Variants in STK33 observed in about 807,000 individuals in gnomAD.
The protein encoded by STK33 is serine/threonine-protein kinase 33.
Under a neutral mutation model 58.0 loss-of-function variants are expected in STK33, and 52 were observed. That is an observed-to-expected ratio of 0.90 (90% CI 0.72 to 1.13). The LOEUF (loss-of-function observed/expected upper bound fraction) is 1.13, where lower values mean the gene tolerates loss of function less well. Ranked by LOEUF, STK33 falls within the 50% of genes most tolerant of loss-of-function variation. The pLI, the probability that STK33 is intolerant of heterozygous loss-of-function variation, is 0.00. For synonymous variants in STK33, 215 were observed against 200.1 expected, an observed-to-expected ratio of 1.07 and a Z score of -0.63; for missense variants, 630 against 604.2, an observed-to-expected ratio of 1.04 and a Z score of -0.45.
intron 4 of STK33, 82 bp from the exon 5 acceptor site, chr11:8,475,148 G>C: frequency 2.5e-6 from 1 of 398,946 alleles, no homozygotes; most frequent in Non-Finnish European, 4.4e-6. Context: ...CTAGCAACTA[G>C]CACTAGAAGC....
intron 1 of STK33, among the ~76,000 whole-genome samples, chr11:8,489,882 T>C (rs1950474409): frequency 6.6e-6 from 1 of 152,048 alleles, no homozygotes; most frequent in Non-Finnish European, 1.5e-5. Flanking sequence ...AACCTGAAGA[T>C]TGATTGAGAT....
At chr11:8,488,517 G>C (rs150563429) in intron 1 of STK33, among the ~76,000 whole-genome samples, 3 of 152,234 alleles carry the variant, frequency 2.0e-5, no homozygotes, top group Admixed American at 2.0e-4. Context: ...AGTGTTGCAA[G>C]TGTAGCCCAA....
chr11:8,511,542 C>T (rs948218674), intron 1 of STK33, among the ~76,000 whole-genome samples: 1 of 152,118 alleles, frequency 6.6e-6, no homozygotes, highest in African/African-American at 2.4e-5. Flanking sequence ...AAGTGGGCAT[C>T]CTTGTCTTGT....
At chr11:8,433,586 A>T (rs901292506) in intron 14 of STK33, among the ~76,000 whole-genome samples, 1 of 152,138 alleles carries the variant, frequency 6.6e-6, no homozygotes, top group African/African-American at 2.4e-5. Flanking sequence ...TTGCAAACTG[A>T]TCCTATCTAA....
the STK33 span, among the ~76,000 whole-genome samples, chr11:8,348,005 G>A: frequency 2.6e-5 from 4 of 152,156 alleles, no homozygotes; most frequent in African/African-American, 9.7e-5. Flanking sequence ...TCTTGTTCCC[G>A]GTCTAGTCCC....
intron 1 of STK33, among the ~76,000 whole-genome samples, chr11:8,535,584 T>G: frequency 6.6e-6 from 1 of 152,014 alleles, no homozygotes; most frequent in Non-Finnish European, 1.5e-5. Context: ...TAAAAAATAA[T>G]AGATGTTGGC....
the STK33 span, among the ~76,000 whole-genome samples, chr11:8,374,907 G>A: frequency 1.3e-5 from 2 of 152,134 alleles, no homozygotes; most frequent in South Asian, 2.1e-4. Context: ...CTGGTCTGGC[G>A]GCCGCCTCAT....
intron 1 of STK33, among the ~76,000 whole-genome samples, chr11:8,501,251 A>AT (rs1951494092): frequency 6.6e-6 from 1 of 152,180 alleles, no homozygotes; most frequent in South Asian, 2.1e-4. Flanking sequence ...AAAGTGAAAA[A>AT]TAACCCACAG....
At chr11:8,550,699 A>G (rs1956243837) in intron 1 of STK33, among the ~76,000 whole-genome samples, 1 of 152,194 alleles carries the variant, frequency 6.6e-6, no homozygotes, top group South Asian at 2.1e-4. Flanking sequence ...GTTCCCAACA[A>G]GTTCCTCATT....
chr11:8,571,642 G>A (rs972957436), intron 1 of STK33, among the ~76,000 whole-genome samples: 2 of 152,000 alleles, frequency 1.3e-5, no homozygotes, highest in African/African-American at 2.4e-5. Context: ...GACCATCCTG[G>A]CTAACACGGT....
chr11:8,515,336 A>G (rs1339222048), intron 1 of STK33, among the ~76,000 whole-genome samples: 1 of 152,202 alleles, frequency 6.6e-6, no homozygotes, highest in East Asian at 1.9e-4. Context: ...ATTCTTAGAA[A>G]CATAGAACCT....
chr11:8,524,353 A>T (rs1953842610), intron 1 of STK33, among the ~76,000 whole-genome samples: 1 of 152,216 alleles, frequency 6.6e-6, no homozygotes, highest in Admixed American at 6.5e-5. Flanking sequence ...AACGGGAAAA[A>T]ATATTTGCAG....
chr11:8,558,301 A>C (rs371795713), intron 1 of STK33, among the ~76,000 whole-genome samples: 73 of 152,310 alleles, frequency 4.8e-4, no homozygotes, highest in East Asian at 4.2e-3. Context: ...AAATACCTAC[A>C]TTCCTAAAAA....
chr11:8,495,404 T>A (rs1392087416), intron 1 of STK33, among the ~76,000 whole-genome samples: 1 of 152,100 alleles, frequency 6.6e-6, no homozygotes, highest in East Asian at 1.9e-4. Context: ...TGAGATACCA[T>A]CTCATGCCAG....
intron 11 of STK33, among the ~76,000 whole-genome samples, chr11:8,447,604 T>C (rs1200100126): frequency 1.3e-5 from 2 of 152,152 alleles, no homozygotes; most frequent in Non-Finnish European, 2.9e-5. Context: ...TGCTAAAAAC[T>C]CTCAATAAAT....
chr11:8,410,642 T>A (rs1196760301), intron 15 of STK33, among the ~76,000 whole-genome samples: 1 of 152,008 alleles, frequency 6.6e-6, no homozygotes, highest in Admixed American at 6.6e-5. Context: ...CCAGCTACTT[T>A]TTGTATTTTT....
the STK33 span, among the ~76,000 whole-genome samples, chr11:8,339,570 A>G: frequency 8.5e-5 from 13 of 152,226 alleles, no homozygotes; most frequent in African/African-American, 2.4e-4. Context: ...CGGCGCACAG[A>G]GGCCAGGGAT....
At chr11:8,491,450 G>T (rs1423588903) in intron 1 of STK33, among the ~76,000 whole-genome samples, 2 of 152,210 alleles carry the variant, frequency 1.3e-5, no homozygotes, top group Non-Finnish European at 2.9e-5. Flanking sequence ...TAGGTGAAAA[G>T]ACCAAATCTA....
At chr11:8,581,976 T>G (rs4442553) in intron 1 of STK33, among the ~76,000 whole-genome samples, 151,355 of 152,354 alleles carry the variant, frequency 0.99, 75,189 homozygotes, top group Middle Eastern at 1. Context: ...AATCCAGTTA[T>G]TAAGTGAGTC....
Sources: gnomAD v4.1 joint callset for allele counts (sites outside exome capture counted in the v4.1 genomes callset) on GRCh38, gnomAD v4.1.1 for gene constraint, MANE v1.5 for transcripts, NCBI Gene and HGNC (gene_info 2026-07-23, HGNC 2026-07-21) for gene names.